SCN7A: variants seen among roughly 807,000 people sequenced by gnomAD.
SCN7A encodes sodium channel protein type 7 subunit alpha.
Under a neutral mutation model 155.2 loss-of-function variants are expected in SCN7A, and 138 were observed. The observed-to-expected ratio is 0.89, with a 90% CI of 0.77 to 1.02. SCN7A has a LOEUF of 1.02. Ranked by LOEUF, SCN7A falls within the 50% of genes least tolerant of loss-of-function variation. The pLI, the probability that SCN7A is intolerant of heterozygous loss-of-function variation, is 0.00. For missense variants in SCN7A, 2,058 were observed against 1,986.6 expected, an observed-to-expected ratio of 1.04 and a Z score of -0.68; for synonymous variants, 693 against 649.0, an observed-to-expected ratio of 1.07 and a Z score of -1.03.
intron 9 of SCN7A, among the ~76,000 whole-genome samples, chr2:166,464,117 T>TGTATATATAC (rs1280447452): frequency 5.4e-4 from 82 of 151,678 alleles, no homozygotes; most frequent in African/African-American, 1.8e-3. Flanking sequence ...CATACATATG[T>TGTATATATAC]GTATATATAC....
chr2:166,430,310 C>T (rs1276809855), intron 16 of SCN7A, among the ~76,000 whole-genome samples: 1 of 151,702 alleles, frequency 6.6e-6, no homozygotes. Flanking sequence ...CATTATAGTG[C>T]TCAAATAAAA....
At chr2:166,459,740 C>T (rs1451104636) in intron 10 of SCN7A, among the ~76,000 whole-genome samples, 5 of 152,014 alleles carry the variant, frequency 3.3e-5, no homozygotes, top group South Asian at 4.2e-4. Flanking sequence ...TGCCCATCAA[C>T]GTTAAACTGG....
chr2:166,465,864 A>C lies in SCN7A; in HGVS notation c.788T>G (p.Leu263Trp). The change falls in exon 8 of 26, where the codon TTG (leucine) becomes TGG (tryptophan). Residue 263 changes from leucine (L) to tryptophan (W), a missense_variant. Physicochemically the swap from Leu to Trp is moderately conservative, Grantham distance 61 (BLOSUM62 -2). Coordinates refer to ENST00000643258, the MANE Select transcript of SCN7A (RefSeq NM_002976.4). ...GGGCCATCGAAAACATTTATGTTTC[A>C]AGTTGCCCATGAAGAGCCCCATCCC... ...LIGMGLFMGNLKHKCFRWPQE... is the reference protein window; with the variant it reads ...LIGMGLFMGNWKHKCFRWPQE... 1 of 1,613,928 alleles carries C rather than the reference A, an allele frequency of 6.2e-7. No homozygotes were observed. Among genetic ancestry groups the C allele is most frequent in the East Asian group, 2.2e-5 (1 of 44,864 alleles).
Position 166,421,282 on chromosome 2 carries a change from A to G in SCN7A, c.3043T>C (p.Leu1015=). ...AGTTCTTCCCGAGTTTTGCCTATTA[A>G]GCTAAGACAAAACACCTATATATTT... ...FVVVIVFCLS[L]IGKTREELKP... The change falls in exon 20 of 26, where the codon TTA becomes CTA. Residue 1015 remains leucine, a synonymous_variant. Coordinates refer to ENST00000643258, the MANE Select transcript of SCN7A (RefSeq NM_002976.4). 2.0e-6 allele frequency: 3 copies of G among 1,519,078 alleles called. No individual in the cohort carries two copies. Among genetic ancestry groups the G allele is most frequent in the Admixed American group, 2.2e-5 (1 of 45,372 alleles). 94.1% of individuals were successfully genotyped at this position (1,519,078 alleles called of 1,614,324 possible). A position where few individuals can be genotyped will look rare whatever the true frequency, so the allele number is the denominator to read the frequency against.
At chr2:166,488,235 C>T (rs1703095005) in intron 1 of SCN7A, among the ~76,000 whole-genome samples, 1 of 152,204 alleles carries the variant, frequency 6.6e-6, no homozygotes, top group Admixed American at 6.5e-5. Context: ...TCTCACATTC[C>T]ATAATGACTT....
intron 21 of SCN7A, among the ~76,000 whole-genome samples, chr2:166,415,947 C>T (rs536763582): frequency 2.6e-5 from 4 of 152,120 alleles, no homozygotes; most frequent in East Asian, 1.9e-4. Flanking sequence ...TATAAATGGA[C>T]GTGCAAGTAG....
chr2:166,441,054 C>A (rs1045835621), intron 15 of SCN7A: 3 of 369,802 alleles, frequency 8.1e-6, no homozygotes, highest in Non-Finnish European at 1.4e-5. Flanking sequence ...GTTTTCAGAC[C>A]ATGGCTGACC....
rs1702724996 is a variant in SCN7A, at chr2:166,474,155, A to T, written c.353+71T>A. On this transcript the variant is annotated intron_variant, in intron 4 of 25. Transcript: ENST00000643258. ...GAAAAGAGAAAAATACTGCAGAAAT[A>T]ATTGAATAATAGTATAGTTGCAGTT... 4.5e-6 allele frequency: 3 copies of T among 670,364 alleles called. No homozygotes were observed. The Admixed American group carries it at 1.1e-4, about 24-fold the overall frequency. 41.5% of individuals were successfully genotyped at this position (670,364 alleles called of 1,614,324 possible).
At chr2:166,491,528 C>A (rs1683104583) in intron 1 of SCN7A, among the ~76,000 whole-genome samples, 1 of 152,010 alleles carries the variant, frequency 6.6e-6, no homozygotes, top group Non-Finnish European at 1.5e-5. Flanking sequence ...AGATATGCAC[C>A]AACTCAAAAA....
chr2:166,433,839 G>A (rs1701782435), intron 15 of SCN7A, among the ~76,000 whole-genome samples: 1 of 152,048 alleles, frequency 6.6e-6, no homozygotes, highest in African/African-American at 2.4e-5. Flanking sequence ...AGTAAATTTG[G>A]TCAAATAAGA....
intron 1 of SCN7A, among the ~76,000 whole-genome samples, chr2:166,491,951 C>T (rs2105549389): frequency 6.6e-6 from 1 of 152,180 alleles, no homozygotes; most frequent in East Asian, 1.9e-4. Flanking sequence ...TGACACGTAT[C>T]TCAACCCAAT....
At chr2:166,458,791 A>T (rs1702341593) in intron 10 of SCN7A, among the ~76,000 whole-genome samples, 2 of 152,180 alleles carry the variant, frequency 1.3e-5, no homozygotes, top group African/African-American at 4.8e-5. Context: ...AGTAGGCTAC[A>T]TCATCCAGGT....
Position 166,456,966 on chromosome 2 carries a change from T to C in SCN7A, c.1194A>G (p.Glu398=), listed in dbSNP as rs1045293423. ...LFLGILAMAY[E]EEKQRVGEIS... The stretch of plus-strand genomic sequence containing the variant: ...TTTCACCAACTCTCTGCTTTTCTTC[T>C]TCATAGGCCATGGCAAGTATGCCTA... The change falls in exon 11 of 26, where the codon GAA becomes GAG. Residue 398 remains glutamate (E), a synonymous_variant. Transcript: ENST00000643258. 1 of 1,602,038 alleles carries C rather than the reference T, an allele frequency of 6.2e-7. No homozygotes were observed. Among genetic ancestry groups the C allele is most frequent in the Admixed American group, 1.7e-5 (1 of 58,190 alleles).
In SCN7A at chr2:166,405,380, T is replaced by A. The variant is rs1430831528; in HGVS notation, c.*200A>T. ...CCACTTTAACCCACTTTAAACTCAC[T>A]GCAGCAATATTAAGGATTCTCTTGA... On this transcript the variant is annotated 3_prime_UTR_variant, in exon 26 of 26. Transcript: ENST00000643258. 1.9e-6 allele frequency: 1 copy of A among 518,256 alleles called. No individual in the cohort carries two copies. The highest frequency in any genetic ancestry group is 3.3e-6 in the Non-Finnish European group (1 of 298,760). 32.1% of individuals were successfully genotyped at this position (518,256 alleles called of 1,614,324 possible).
chr2:166,486,663 T>G (rs535383186), intron 2 of SCN7A, among the ~76,000 whole-genome samples, 193 bp downstream of exon 2: 5 of 152,300 alleles, frequency 3.3e-5, no homozygotes, highest in African/African-American at 1.2e-4. Flanking sequence ...TCAGAATAGC[T>G]TGTGCTGCAG....
At chr2:166,488,748 C>T (rs1221617883) in intron 1 of SCN7A, among the ~76,000 whole-genome samples, 5 of 151,850 alleles carry the variant, frequency 3.3e-5, no homozygotes, top group Non-Finnish European at 5.9e-5. Context: ...AGGGATTCTC[C>T]TGCTTCAGCC....
chr2:166,405,865 T>C lies in SCN7A; in HGVS notation c.4764A>G (p.Gln1588=). ...AAACAACTTTCTCCATCCTCACATC[T>C]TGACCCATAACTCTCTTTGTAAAAG... ...LLAFTKRVMG[Q]DVRMEKVVSE... The change falls in exon 26 of 26, where the codon CAA becomes CAG. Residue 1588 remains glutamine, a synonymous_variant. Transcript: ENST00000643258. 6.2e-7 allele frequency: 1 copy of C among 1,613,156 alleles called. No individual in the cohort carries two copies. Among genetic ancestry groups the C allele is most frequent in the Non-Finnish European group, 8.5e-7 (1 of 1,179,402 alleles).
At chr2:166,443,369 C>G in intron 14 of SCN7A, 134 bp downstream of exon 14, 1 of 714,264 alleles carries the variant, frequency 1.4e-6, no homozygotes, top group Non-Finnish European at 2.3e-6. Context: ...GCAATAAACT[C>G]TTTATATACT....
At chr2:166,481,359 A>G (rs1335328379) in intron 2 of SCN7A, among the ~76,000 whole-genome samples, 1 of 152,206 alleles carries the variant, frequency 6.6e-6, no homozygotes, top group African/African-American at 2.4e-5. Flanking sequence ...TGGAAAATAA[A>G]TATAAATTTT....
Sources: gnomAD v4.1 joint callset for allele counts (sites outside exome capture counted in the v4.1 genomes callset) on GRCh38, gnomAD v4.1.1 for gene constraint, MANE v1.5 for transcripts, NCBI Gene and HGNC (gene_info 2026-07-23, HGNC 2026-07-21) for gene names.